The following CACNA2D3 variants were observed in gnomAD, a reference collection of about 807,000 sequenced individuals.
CACNA2D3 encodes the protein voltage-dependent calcium channel subunit alpha-2/delta-3.
CACNA2D3 carries 60 observed loss-of-function variants against 160.6 expected under a neutral mutation model. That is an observed-to-expected ratio of 0.37 (90% CI 0.30 to 0.46). The LOEUF (loss-of-function observed/expected upper bound fraction) is 0.46, where lower values mean the gene tolerates loss of function less well. Among genes scored for constraint, CACNA2D3 ranks in the 20% least tolerant of loss-of-function variants. The pLI is 1.00. For missense variants in CACNA2D3, 1,205 were observed against 1,365.0 expected, an observed-to-expected ratio of 0.88 and a Z score of 1.85; for synonymous variants, 558 against 492.9, an observed-to-expected ratio of 1.13 and a Z score of -1.75.
At chr3:55,018,181 T>C (rs758637113) in intron 34 of CACNA2D3, 25 bp from the exon 35 acceptor site, 16 of 1,418,830 alleles carry the variant, frequency 1.1e-5, no homozygotes, top group East Asian at 2.4e-5. Flanking sequence ...ATTCTTTACC[T>C]TTTTTTTTCC....
intron 2 of CACNA2D3, among the ~76,000 whole-genome samples, chr3:54,293,180 G>C (rs1315347485): frequency 6.6e-6 from 1 of 152,168 alleles, no homozygotes; most frequent in Non-Finnish European, 1.5e-5. Flanking sequence ...GTGGAGGGGA[G>C]AATGGGGTAT....
intron 2 of CACNA2D3, among the ~76,000 whole-genome samples, chr3:54,217,912 T>C (rs575310505): frequency 1.0e-3 from 158 of 150,648 alleles, no homozygotes; most frequent in Non-Finnish European, 1.9e-3. Context: ...AGAGGTGTGT[T>C]AGAGAGAAAG....
chr3:54,754,976 TC>T (rs1468374491), intron 12 of CACNA2D3, among the ~76,000 whole-genome samples: 1 of 152,142 alleles, frequency 6.6e-6, no homozygotes, highest in African/African-American at 2.4e-5. Flanking sequence ...GTTTTTCTGT[TC>T]CTTCTCAGTT....
intron 11 of CACNA2D3, among the ~76,000 whole-genome samples, chr3:54,711,189 G>A (rs1236200871): frequency 6.6e-6 from 1 of 152,086 alleles, no homozygotes; most frequent in Non-Finnish European, 1.5e-5. Flanking sequence ...GCATAAAAAA[G>A]GAGAGTAATA....
At chr3:54,769,588 C>T (rs144322339) in intron 13 of CACNA2D3, among the ~76,000 whole-genome samples, 2 of 152,274 alleles carry the variant, frequency 1.3e-5, no homozygotes, top group Non-Finnish European at 2.9e-5. Flanking sequence ...AGAATACGAC[C>T]TGCCTTCCAG....
intron 9 of CACNA2D3, among the ~76,000 whole-genome samples, chr3:54,614,526 C>A (rs1698808969): frequency 6.6e-6 from 1 of 152,162 alleles, no homozygotes; most frequent in African/African-American, 2.4e-5. Flanking sequence ...CTCAGATGGC[C>A]ATGTTACACT....
At chr3:54,164,961 G>T (rs1700422468) in intron 2 of CACNA2D3, among the ~76,000 whole-genome samples, 1 of 152,182 alleles carries the variant, frequency 6.6e-6, no homozygotes. Context: ...ATGCTAGGGG[G>T]ATCAGTAAGC....
chr3:54,705,240 C>G (rs1452021217), intron 11 of CACNA2D3, among the ~76,000 whole-genome samples: 1 of 152,208 alleles, frequency 6.6e-6, no homozygotes, highest in Non-Finnish European at 1.5e-5. Context: ...CTTCCTTTCT[C>G]CTTCTCTAGG....
intron 2 of CACNA2D3, among the ~76,000 whole-genome samples, chr3:54,182,427 T>C (rs1355901407): frequency 6.6e-6 from 1 of 152,126 alleles, no homozygotes; most frequent in East Asian, 1.9e-4. Flanking sequence ...ATAAATAAAA[T>C]CAGATGCCAG....
At position 54,908,889 on chromosome 3, in the gene CACNA2D3, T is replaced by C. The variant is rs1358878713; in HGVS notation, c.2449+9021T>C. On this transcript the variant is annotated intron_variant, in intron 27 of 37. Coordinates refer to ENST00000474759, the MANE Select transcript of CACNA2D3 (RefSeq NM_018398.3). ...ACCATAGAAACTGCAAAGCCAAAAA[T>C]ATCCACTACCTGCTCCTTCACAGAA... Among the ~76,000 whole-genome samples the C allele has an allele frequency of 2.0e-5, 3 of 152,142 alleles. No individual in the cohort carries two copies. The East Asian group carries it at 5.8e-4, about 29-fold the overall frequency.
intron 3 of CACNA2D3, among the ~76,000 whole-genome samples, chr3:54,379,166 T>C (rs1699059336): frequency 6.6e-6 from 1 of 152,232 alleles, no homozygotes; most frequent in African/African-American, 2.4e-5. Flanking sequence ...TTACCTGCTT[T>C]CTCTAGAAAC....
intron 2 of CACNA2D3, among the ~76,000 whole-genome samples, chr3:54,287,922 G>A (rs11130414): frequency 0.55 from 79,006 of 142,938 alleles, 22,681 homozygotes; most frequent in East Asian, 0.71. Flanking sequence ...GACGCATTCA[G>A]AGCAGTGTGT....
rs1303530299 is a variant in CACNA2D3, at chr3:54,642,201, A to G, written c.1127A>G (p.Tyr376Cys). ...ATAACTGATGGGGCGGTGGACACCT[A>G]TGATACAATCTTTGCAAAATACAAT... ...MLITDGAVDTYDTIFAKYNWP... is the reference protein window; with the variant it reads ...MLITDGAVDTCDTIFAKYNWP... Residue 376 changes from tyrosine to cysteine, a missense_variant, in exon 11 of 38, where the codon TAT becomes TGT. Around this residue, in one of 3 missense-constraint regions of CACNA2D3, gnomAD observed 911 missense variants for 1,002.2 expected, o/e 0.91. Transcript: ENST00000474759. 5 of 1,613,128 alleles carry G rather than the reference A, an allele frequency of 3.1e-6. No individual in the cohort carries two copies. The highest frequency in any genetic ancestry group is 4.2e-6 in the Non-Finnish European group (5 of 1,179,572).
chr3:54,725,250 C>G (rs1052062263), intron 11 of CACNA2D3, among the ~76,000 whole-genome samples: 3 of 152,130 alleles, frequency 2.0e-5, no homozygotes, highest in African/African-American at 7.2e-5. Flanking sequence ...ATAACAAGTT[C>G]CAAAATTGAA....
intron 13 of CACNA2D3, among the ~76,000 whole-genome samples, chr3:54,809,304 C>CTTCT (rs1703224404): frequency 8.1e-5 from 8 of 99,076 alleles, no homozygotes; most frequent in South Asian, 3.1e-4. Flanking sequence ...TCCTTCCTTC[C>CTTCT]TTCTTTCTTT....
At position 54,559,736 on chromosome 3, in the gene CACNA2D3, G is replaced by A. The variant is rs192511584; in HGVS notation, c.545-3064G>A. ...TTAGTTATTTTTCCTAATCCCCTCC[G>A]TCCTCCAAACCTTCACCCTCTGAAA... On this transcript the variant is annotated intron_variant, in intron 5 of 37. Transcript: ENST00000474759. 4.5e-4 allele frequency among the ~76,000 whole-genome samples: 68 copies of A among 152,126 alleles called. 1 individual carries two copies. The highest frequency in any genetic ancestry group is 3.4e-3 in the Middle Eastern group (1 of 294).
At chr3:54,855,181 G>A (rs897371954) in intron 17 of CACNA2D3, among the ~76,000 whole-genome samples, 1 of 152,120 alleles carries the variant, frequency 6.6e-6, no homozygotes, top group Non-Finnish European at 1.5e-5. Flanking sequence ...TGCTGAGTGG[G>A]GGACACTCAC....
rs1553898213 is a variant in CACNA2D3 at position 54,871,557 on chromosome 3, C to T, written c.1645C>T (p.Arg549Ter). ...TTGCTAGTACGAAGAAGGAAAAAAGCGAAGGAAACCTAACTATAGTAGCGT... is the reference window on the plus strand; with the variant it reads ...TTGCTAGTACGAAGAAGGAAAAAAGTGAAGGAAACCTAACTATAGTAGCGT... ...LRLLYEEGKKRRKPNYSSVDL... is the reference protein window; with the variant it reads ...LRLLYEEGKK Residue 549 changes from arginine to a stop codon, truncating the protein, a stop_gained, in exon 18 of 38, where the codon CGA becomes TGA. Coordinates refer to ENST00000474759, the MANE Select transcript of CACNA2D3 (RefSeq NM_018398.3). LOFTEE classifies it high-confidence loss of function. 3.1e-6 allele frequency: 5 copies of T among 1,613,018 alleles called. No homozygotes were observed. Among genetic ancestry groups the T allele is most frequent in the Admixed American group, 1.7e-5 (1 of 59,992 alleles).
At chr3:54,848,605 C>T (rs1698987540) in intron 17 of CACNA2D3, among the ~76,000 whole-genome samples, 1 of 152,218 alleles carries the variant, frequency 6.6e-6, no homozygotes, top group South Asian at 2.1e-4. Flanking sequence ...AACCGTTAAG[C>T]ATTACATGAA....
Sources: gnomAD v4.1 joint callset for allele counts (sites outside exome capture counted in the v4.1 genomes callset) on GRCh38, gnomAD v4.1.1 for gene constraint, gnomAD v4.1.1 regional missense constraint, MANE v1.5 for transcripts, NCBI Gene and HGNC (gene_info 2026-07-23, HGNC 2026-07-21) for gene names.